The following CNBD1 variants were observed in gnomAD, a reference collection of about 807,000 sequenced individuals.
The protein encoded by CNBD1 is cyclic nucleotide-binding domain-containing protein 1.
CNBD1 carries 71 observed loss-of-function variants against 54.4 expected under a neutral mutation model. The ratio of observed to expected loss-of-function variants is 1.30; its 90% CI spans 1.08 to 1.59. CNBD1 has a LOEUF of 1.59. Ranked by LOEUF, CNBD1 falls within the 40% of genes most tolerant of loss-of-function variation. The probability of loss-of-function intolerance (pLI) is 0.00; values close to 1 mark genes in which losing one functional copy is unlikely to be tolerated. For missense variants in CNBD1, 659 were observed against 518.0 expected, an observed-to-expected ratio of 1.27 and a Z score of -2.64; for synonymous variants, 182 against 170.7, an observed-to-expected ratio of 1.07 and a Z score of -0.51.
chr8:87,185,458 TA>T (rs1319709884), intron 4 of CNBD1, among the ~76,000 whole-genome samples: 1 of 152,188 alleles, frequency 6.6e-6, no homozygotes, highest in African/African-American at 2.4e-5. Context: ...GTTCCAAAAT[TA>T]GTTAAGTTTA....
chr8:87,051,308 T>G (rs866850088), intron 4 of CNBD1, among the ~76,000 whole-genome samples: 1 of 152,120 alleles, frequency 6.6e-6, no homozygotes, highest in Non-Finnish European at 1.5e-5. Context: ...TTTCTTGCCT[T>G]CCACCTCCAG....
At chr8:87,066,395 C>G (rs1210299627) in intron 4 of CNBD1, among the ~76,000 whole-genome samples, 1 of 151,944 alleles carries the variant, frequency 6.6e-6, no homozygotes, top group Non-Finnish European at 1.5e-5. Context: ...GACATCCTCT[C>G]CTCTACATGA....
chr8:86,982,448 A>G (rs539607499), intron 4 of CNBD1, among the ~76,000 whole-genome samples: 20 of 152,274 alleles, frequency 1.3e-4, no homozygotes, highest in Non-Finnish European at 2.4e-4. Context: ...CCTGTGATCC[A>G]TTTTAATTGG....
chr8:86,966,604 T>C (rs928080258), intron 4 of CNBD1, among the ~76,000 whole-genome samples: 1 of 152,160 alleles, frequency 6.6e-6, no homozygotes, highest in African/African-American at 2.4e-5. Context: ...ATCGTCTCAC[T>C]GGCTTCAGGA....
chr8:87,364,593 T>C (rs975784696), intron 10 of CNBD1, among the ~76,000 whole-genome samples: 8 of 152,060 alleles, frequency 5.3e-5, no homozygotes, highest in African/African-American at 1.9e-4. Flanking sequence ...GTCACCTAGG[T>C]ATCAAGCCTA....
chr8:87,300,705 C>A (rs1366046178), intron 8 of CNBD1, among the ~76,000 whole-genome samples: 1 of 151,392 alleles, frequency 6.6e-6, no homozygotes, highest in African/African-American at 2.4e-5. Flanking sequence ...GTGTGTGATA[C>A]ACACACACAT....
At position 87,302,365 on chromosome 8, in the gene CNBD1, G is replaced by T. The variant is rs62528135; in HGVS notation, c.1042+15694G>T. Among the ~76,000 whole-genome samples, 412 of 152,036 alleles carry T rather than the reference G, an allele frequency of 2.7e-3. 1 individual carries two copies. Among genetic ancestry groups the T allele is most frequent in the Non-Finnish European group, 4.8e-3 (324 of 67,960 alleles). Reference sequence around the variant, plus strand: ...AAATCAATGAACGTAATCCAGCATAGAAACAGAACCAATTACAAAAACCAC... The same window carrying T: ...AAATCAATGAACGTAATCCAGCATATAAACAGAACCAATTACAAAAACCAC... On this transcript the variant is annotated intron_variant, in intron 8 of 10. Transcript: ENST00000518476.
chr8:87,249,904 A>T (rs1807878830), intron 6 of CNBD1, among the ~76,000 whole-genome samples: 1 of 152,196 alleles, frequency 6.6e-6, no homozygotes, highest in Admixed American at 6.5e-5. Context: ...TCTTTGGGAC[A>T]TTGGCCTGAA....
At chr8:87,328,200 C>T (rs1015283820) in intron 8 of CNBD1, among the ~76,000 whole-genome samples, 1 of 151,950 alleles carries the variant, frequency 6.6e-6, no homozygotes, top group Admixed American at 6.6e-5. Context: ...TGTTCGATAT[C>T]CAGTTTTTCT....
intron 5 of CNBD1, among the ~76,000 whole-genome samples, chr8:87,207,073 C>G (rs1813991617): frequency 6.6e-6 from 1 of 151,924 alleles, no homozygotes; most frequent in African/African-American, 2.4e-5. Context: ...ATAATTAGTT[C>G]CATTTAATCT....
chr8:86,964,525 C>T (rs186450420), intron 4 of CNBD1, among the ~76,000 whole-genome samples: 1 of 152,330 alleles, frequency 6.6e-6, no homozygotes, highest in East Asian at 1.9e-4. Flanking sequence ...AGGTTAAGTT[C>T]TGGAAGGCCA....
chr8:87,053,035 G>C (rs1352260330), intron 4 of CNBD1, among the ~76,000 whole-genome samples: 1 of 127,930 alleles, frequency 7.8e-6, no homozygotes, highest in South Asian at 2.9e-4. Flanking sequence ...GGGGTGGGGG[G>C]TTTGAGGGGC....
At chr8:87,406,864 G>A (rs1395732271) in intron 2 of CNBD1, among the ~76,000 whole-genome samples, 2 of 152,066 alleles carry the variant, frequency 1.3e-5, no homozygotes, top group South Asian at 2.1e-4. Context: ...GAGAACTAGG[G>A]TATAAACCAG....
chr8:87,036,807 T>G (rs1053057688), intron 4 of CNBD1, among the ~76,000 whole-genome samples: 8 of 152,130 alleles, frequency 5.3e-5, no homozygotes, highest in Admixed American at 2.0e-4. Flanking sequence ...ACATATCATT[T>G]TTTTCCCTAG....
At chr8:86,929,117 G>T (rs1350860920) in intron 3 of CNBD1, among the ~76,000 whole-genome samples, 1 of 152,188 alleles carries the variant, frequency 6.6e-6, no homozygotes, top group Non-Finnish European at 1.5e-5. Flanking sequence ...CTGCCCAATG[G>T]TTTTCTTCTG....
In CNBD1 at chr8:87,301,410, C is replaced by T. The variant is rs182631332; in HGVS notation, c.1042+14739C>T. Among the ~76,000 whole-genome samples the T allele has an allele frequency of 8.1e-4, 123 of 152,230 alleles. 1 individual carries two copies. The highest frequency in any genetic ancestry group is 5.7e-3 in the Admixed American group (87 of 15,258). ...CATAACCCAAAAAGAAAACTACAGA[C>T]CAATAGCCTTGATGAACACAGATGC... On this transcript the variant is annotated intron_variant, in intron 8 of 10. Coordinates refer to ENST00000518476, the MANE Select transcript of CNBD1 (RefSeq NM_173538.3).
chr8:87,317,666 T>G (rs1809418312), intron 8 of CNBD1, among the ~76,000 whole-genome samples: 1 of 151,950 alleles, frequency 6.6e-6, no homozygotes, highest in Non-Finnish European at 1.5e-5. Context: ...TGGCTCAGAA[T>G]AGGGTCTGTG....
chr8:86,968,804 A>G (rs945800579), intron 4 of CNBD1, among the ~76,000 whole-genome samples: 2 of 152,200 alleles, frequency 1.3e-5, no homozygotes, highest in African/African-American at 2.4e-5. Flanking sequence ...GTAAGACAAC[A>G]TAGACAATAG....
intron 4 of CNBD1, among the ~76,000 whole-genome samples, chr8:87,107,117 C>T (rs367706725): frequency 4.6e-5 from 7 of 152,254 alleles, no homozygotes; most frequent in East Asian, 3.9e-4. Context: ...CGTGAGCCAC[C>T]GCACCCGGCC....
Sources: allele counts gnomAD v4.1 joint callset (sites outside exome capture counted in the v4.1 genomes callset), GRCh38; gene constraint gnomAD v4.1.1; transcripts MANE v1.5; gene names NCBI Gene and HGNC (gene_info 2026-07-23, HGNC 2026-07-21).